Variants in SLC9A2 observed in about 807,000 individuals in gnomAD.
The protein encoded by SLC9A2 is solute carrier family 9 member A2.
SLC9A2 carries 42 observed loss-of-function variants against 71.7 expected under a neutral mutation model. That is an observed-to-expected ratio of 0.59 (90% CI 0.46 to 0.76). SLC9A2 has a LOEUF of 0.76. Ranked by LOEUF, SLC9A2 falls within the 30% of genes least tolerant of loss-of-function variation. The probability of loss-of-function intolerance (pLI) is 0.00; values close to 1 mark genes in which losing one functional copy is unlikely to be tolerated. For synonymous variants in SLC9A2, 396 were observed against 392.5 expected (o/e 1.01, Z -0.10); for missense variants, 829 against 1,017.4 (o/e 0.81, Z 2.52).
intron 1 of SLC9A2, among the ~76,000 whole-genome samples, chr2:102,656,702 C>T (rs1332376850): frequency 6.6e-6 from 1 of 152,162 alleles, no homozygotes; most frequent in East Asian, 1.9e-4. Flanking sequence ...GCCAATGTTT[C>T]TGAATGCCAC....
chr2:102,665,395 G>T, intron 3 of SLC9A2, 45 bp downstream of exon 3: 1 of 1,559,444 alleles, frequency 6.4e-7, no homozygotes, highest in South Asian at 1.2e-5. Context: ...GCATTTCATT[G>T]AATGCATGCA....
At position 102,708,467 on chromosome 2, in the gene SLC9A2, G is replaced by T. The variant is rs1376400307; in HGVS notation, c.2417G>T (p.Arg806Leu). Residue 806 changes from arginine (R) to leucine (L), a missense_variant, in exon 12 of 12, where the codon CGA (arginine) becomes CTA (leucine). Physicochemically the swap from Arg to Leu is moderately radical, Grantham distance 102 (BLOSUM62 -2). Coordinates refer to ENST00000233969, the MANE Select transcript of SLC9A2 (RefSeq NM_003048.6). ...RASEPGSRKA[R>L]FGSEKP Reference sequence around the variant, plus strand: ...TCGGAACCTGGAAGCCGGAAAGCCCGATTTGGGAGTGAGAAGCCTTAAGAG... The same window carrying T: ...TCGGAACCTGGAAGCCGGAAAGCCCTATTTGGGAGTGAGAAGCCTTAAGAG... 1.2e-6 allele frequency: 2 copies of T among 1,614,050 alleles called. No individual in the cohort carries two copies. The highest frequency in any genetic ancestry group is 2.2e-5 in the South Asian group (2 of 91,064).
intron 11 of SLC9A2, among the ~76,000 whole-genome samples, chr2:102,706,432 G>A (rs1219951516): frequency 6.6e-6 from 1 of 152,196 alleles, no homozygotes. Context: ...TTGTGGGGTC[G>A]GGGGAGTGGG....
intron 1 of SLC9A2, among the ~76,000 whole-genome samples, chr2:102,628,380 G>T (rs566600173): frequency 2.6e-5 from 4 of 152,162 alleles, no homozygotes; most frequent in South Asian, 2.1e-4. Context: ...CTCATCTCAG[G>T]ATGCTCAGAG....
At chr2:102,704,349 AAAT>A (rs1185217003) in intron 9 of SLC9A2, among the ~76,000 whole-genome samples, 192 bp from the exon 10 acceptor site, 1 of 152,162 alleles carries the variant, frequency 6.6e-6, no homozygotes, top group African/African-American at 2.4e-5. Context: ...AATGAAAAGA[AAAT>A]ATAAATTCTT....
rs775736178 is a variant in SLC9A2 at position 102,665,105 on chromosome 2, G to A, written c.759G>A (p.Leu253=). Residue 253 remains leucine (L), a synonymous_variant, in exon 3 of 12, where the codon CTG becomes CTA. Coordinates refer to ENST00000233969, the MANE Select transcript of SLC9A2 (RefSeq NM_003048.6). The part of the protein sequence containing the change: ...SLLNDAVTVV[L]YNLFKSFCQM... ...TGTTTTTTTTTTTCCTGCAGGTCCT[G>A]TACAACTTGTTCAAGTCGTTTTGCC... 1 of 1,612,782 alleles carries A rather than the reference G, an allele frequency of 6.2e-7. No homozygotes were observed. Among genetic ancestry groups the A allele is most frequent in the Non-Finnish European group, 8.5e-7 (1 of 1,179,540 alleles).
At chr2:102,621,989 T>C (rs1676148822) in intron 1 of SLC9A2, among the ~76,000 whole-genome samples, 1 of 152,198 alleles carries the variant, frequency 6.6e-6, no homozygotes, top group Non-Finnish European at 1.5e-5. Context: ...CAAATCTTCA[T>C]GCCAGATAAG....
At chr2:102,654,681 G>T (rs962458663) in intron 1 of SLC9A2, among the ~76,000 whole-genome samples, 4 of 152,086 alleles carry the variant, frequency 2.6e-5, no homozygotes, top group African/African-American at 9.7e-5. Flanking sequence ...TAACAAAGGG[G>T]ATACGTTCTG....
chr2:102,660,704 A>G (rs1020126122), intron 2 of SLC9A2, among the ~76,000 whole-genome samples: 2 of 152,200 alleles, frequency 1.3e-5, no homozygotes, highest in Admixed American at 1.3e-4. Flanking sequence ...AATATGGGCC[A>G]TGATGCATAC....
At chr2:102,637,503 G>T (rs1651107296) in intron 1 of SLC9A2, among the ~76,000 whole-genome samples, 1 of 152,174 alleles carries the variant, frequency 6.6e-6, no homozygotes, top group Non-Finnish European at 1.5e-5. Context: ...AGAATATAAT[G>T]CAGGCAGTGA....
At chr2:102,698,495 A>G (rs1226720928) in intron 7 of SLC9A2, among the ~76,000 whole-genome samples, 2 of 152,194 alleles carry the variant, frequency 1.3e-5, no homozygotes, top group Admixed American at 6.5e-5. Context: ...TCAGCTGCTC[A>G]GAACACGTCA....
chr2:102,623,316 T>G (rs1197141502), intron 1 of SLC9A2, among the ~76,000 whole-genome samples: 1 of 152,158 alleles, frequency 6.6e-6, no homozygotes, highest in East Asian at 1.9e-4. Flanking sequence ...GAAGGGTATA[T>G]TTCTCAGGAC....
chr2:102,620,125 C>G lies in SLC9A2; in HGVS notation c.277C>G (p.Leu93Val). Residue 93 changes from leucine (L) to valine (V), a missense_variant, in exon 1 of 12, where the codon CTG becomes GTG. Transcript: ENST00000233969. ...CACCCTTTGGATCCTGCTGGCCTCC[C>G]TGGCCAAGATTGGTGAGCGAACTGG... is the stretch of plus-strand genomic sequence containing the variant. ...EITLWILLAS[L>V]AKIGFHLYHK... 6.2e-7 allele frequency: 1 copy of G among 1,603,724 alleles called. No homozygotes were observed. Among genetic ancestry groups the G allele is most frequent in the Non-Finnish European group, 8.5e-7 (1 of 1,172,324 alleles).
intron 1 of SLC9A2, among the ~76,000 whole-genome samples, chr2:102,629,617 C>G (rs1202520129): frequency 6.6e-6 from 1 of 152,046 alleles, no homozygotes; most frequent in East Asian, 1.9e-4. Flanking sequence ...CATGCTTTCA[C>G]TTGGTATCCT....
chr2:102,626,391 C>G (rs1352164600), intron 1 of SLC9A2, among the ~76,000 whole-genome samples: 2 of 152,182 alleles, frequency 1.3e-5, no homozygotes, highest in African/African-American at 4.8e-5. Context: ...AAAGCTGGAT[C>G]CCTTCCTTAC....
intron 2 of SLC9A2, among the ~76,000 whole-genome samples, chr2:102,660,829 C>A (rs749647149): frequency 6.6e-6 from 1 of 152,108 alleles, no homozygotes; most frequent in Admixed American, 6.5e-5. Context: ...ACGGCAAAAA[C>A]GATGAGTCAC....
Position 102,708,289 on chromosome 2 carries a change from C to CCCCCAA in SLC9A2, c.2241_2246dup (p.Thr749_Pro750dup). On this transcript the variant is annotated inframe_insertion, in exon 12 of 12. Transcript: ENST00000233969. ...TTCTGGCCGAGATATGCCCAGCACCCCCCCAACACCCCACAGCAGAGAAAA... is the reference window on the plus strand; with the variant it reads ...TTCTGGCCGAGATATGCCCAGCACCCCCCCAACCCCAACACCCCACAGCAGAGAAAA... 2 of 1,614,140 alleles carry CCCCCAA rather than the reference C, an allele frequency of 1.2e-6. No homozygotes were observed. Among genetic ancestry groups the CCCCCAA allele is most frequent in the Middle Eastern group, 1.6e-4 (1 of 6,062 alleles).
intron 5 of SLC9A2, among the ~76,000 whole-genome samples, chr2:102,688,782 G>C (rs1677605106): frequency 6.6e-6 from 1 of 151,878 alleles, no homozygotes; most frequent in South Asian, 2.1e-4. Context: ...GAAAGAAAAA[G>C]GTAAGTTCTT....
At chr2:102,629,137 G>A (rs986683050) in intron 1 of SLC9A2, among the ~76,000 whole-genome samples, 2 of 151,898 alleles carry the variant, frequency 1.3e-5, no homozygotes, top group African/African-American at 4.8e-5. Context: ...AGTTCCTGGG[G>A]TACATTAAAA....
Sources: gnomAD v4.1 joint callset for allele counts (sites outside exome capture counted in the v4.1 genomes callset) on GRCh38, gnomAD v4.1.1 for gene constraint, MANE v1.5 for transcripts, NCBI Gene and HGNC (gene_info 2026-07-23, HGNC 2026-07-21) for gene names.